The following USH2A variants were observed in gnomAD, a reference collection of about 807,000 sequenced individuals.
The protein encoded by USH2A is usherin, also known as Usher syndrome 2A (autosomal recessive, mild).
Under a neutral mutation model 538.9 loss-of-function variants are expected in USH2A, and 443 were observed. The observed-to-expected ratio is 0.82, with a 90% CI of 0.76 to 0.89. USH2A has a LOEUF of 0.89. USH2A is among the 40% of genes least tolerant of loss of function. The pLI is 0.00. For missense variants in USH2A, 6,633 were observed against 6,324.8 expected, an observed-to-expected ratio of 1.05 and a Z score of -1.65; for synonymous variants, 2,413 against 2,273.5, an observed-to-expected ratio of 1.06 and a Z score of -1.75.
intron 55 of USH2A, among the ~76,000 whole-genome samples, chr1:215,778,277 C>G (rs1357700486): frequency 2.6e-5 from 4 of 152,140 alleles, no homozygotes; most frequent in African/African-American, 9.7e-5. Flanking sequence ...GTCTCGAACT[C>G]CTGACCTCAG....
intron 61 of USH2A, among the ~76,000 whole-genome samples, chr1:215,694,713 C>G (rs1039326616): frequency 6.6e-6 from 1 of 152,200 alleles, no homozygotes; most frequent in Non-Finnish European, 1.5e-5. Context: ...GTGTATCTGT[C>G]TCTTCACTTG....
At chr1:215,963,168 A>G (rs1033545668) in intron 37 of USH2A, among the ~76,000 whole-genome samples, 1 of 152,186 alleles carries the variant, frequency 6.6e-6, no homozygotes, top group Non-Finnish European at 1.5e-5. Flanking sequence ...TAAGCTTTGT[A>G]TAAATCTAGT....
At chr1:216,141,910 A>T (rs1252235160) in intron 21 of USH2A, among the ~76,000 whole-genome samples, 2 of 151,912 alleles carry the variant, frequency 1.3e-5, no homozygotes, top group Non-Finnish European at 2.9e-5. Flanking sequence ...AAGTGCTTCA[A>T]CAAAGACATT....
At chr1:216,166,864 C>T (rs2034179428) in intron 21 of USH2A, among the ~76,000 whole-genome samples, 1 of 152,062 alleles carries the variant, frequency 6.6e-6, no homozygotes, top group African/African-American at 2.4e-5. Flanking sequence ...TCCCTTAAGT[C>T]CTTATTCTTC....
chr1:216,229,809 G>T (rs2035640259), intron 14 of USH2A, among the ~76,000 whole-genome samples: 1 of 151,962 alleles, frequency 6.6e-6, no homozygotes, highest in Non-Finnish European at 1.5e-5. Context: ...AGCAATTCTT[G>T]TTCCTGGACT....
At position 216,083,710 on chromosome 1, in the gene USH2A, T is replaced by G; in HGVS notation, c.5168-124A>C. On this transcript the variant is annotated intron_variant, in intron 25 of 71. Coordinates refer to ENST00000307340, the MANE Select transcript of USH2A (RefSeq NM_206933.4). ...TAAATCTCACAAAAGAAGATGCAAA[T>G]CAATGTTAAGAAATTCCTTTTGTAA... 2 of 987,668 alleles carry G rather than the reference T, an allele frequency of 2.0e-6. 1 individual carries two copies. Among genetic ancestry groups the G allele is most frequent in the South Asian group, 3.5e-5 (2 of 56,610 alleles). The allele number at this position is 987,668 out of a possible 1,614,324, so 61.2% of individuals were successfully genotyped here.
At chr1:216,161,192 A>G (rs1032925502) in intron 21 of USH2A, among the ~76,000 whole-genome samples, 9 of 152,208 alleles carry the variant, frequency 5.9e-5, no homozygotes, top group African/African-American at 2.2e-4. Flanking sequence ...GCAACTACTG[A>G]TATAGTTGAG....
At chr1:216,023,338 G>A (rs1668882421) in intron 32 of USH2A, among the ~76,000 whole-genome samples, 2 of 151,318 alleles carry the variant, frequency 1.3e-5, no homozygotes, top group African/African-American at 4.9e-5. Context: ...AAAGGAAAGT[G>A]AAAATCAATA....
chr1:216,249,901 G>A (rs1406005241), intron 12 of USH2A, among the ~76,000 whole-genome samples: 1 of 151,992 alleles, frequency 6.6e-6, no homozygotes, highest in Admixed American at 6.6e-5. Context: ...AGAGAGGAGT[G>A]TGTGTAATCA....
At chr1:216,377,146 A>C (rs1336776370) in intron 3 of USH2A, among the ~76,000 whole-genome samples, 1 of 152,204 alleles carries the variant, frequency 6.6e-6, no homozygotes, top group African/African-American at 2.4e-5. Context: ...GAAAAATCTG[A>C]ATCTCTTTAA....
chr1:216,307,135 A>C (rs1049103689), intron 9 of USH2A, among the ~76,000 whole-genome samples: 14 of 151,924 alleles, frequency 9.2e-5, no homozygotes, highest in African/African-American at 3.4e-4. Flanking sequence ...AGCTCTCAAG[A>C]GATTATGTCC....
At chr1:216,196,274 C>A (rs2034840003) in intron 19 of USH2A, among the ~76,000 whole-genome samples, 1 of 151,712 alleles carries the variant, frequency 6.6e-6, no homozygotes, top group Non-Finnish European at 1.5e-5. Context: ...TAATGAAAGT[C>A]AACTTCATGT....
At chr1:216,331,480 A>G (rs1313115166) in intron 4 of USH2A, among the ~76,000 whole-genome samples, 2 of 152,092 alleles carry the variant, frequency 1.3e-5, no homozygotes, top group East Asian at 3.9e-4. Flanking sequence ...TGGGAAAACT[A>G]AGTAATCCAA....
chr1:216,217,062 C>G (rs2035356424), intron 15 of USH2A, among the ~76,000 whole-genome samples: 1 of 151,894 alleles, frequency 6.6e-6, no homozygotes, highest in Non-Finnish European at 1.5e-5. Flanking sequence ...CAATATAGTC[C>G]TGATTTTACC....
At position 215,728,183 on chromosome 1, in the gene USH2A, A is replaced by G. The variant is rs779184532; in HGVS notation, c.11913T>C (p.Pro3971=). 1.7e-5 allele frequency: 28 copies of G among 1,614,054 alleles called. No homozygotes were observed. Among genetic ancestry groups the G allele is most frequent in the South Asian group, 2.2e-5 (2 of 91,088 alleles). Residue 3971 remains proline, a synonymous_variant, in exon 61 of 72, where the codon CCT becomes CCC. Coordinates refer to ENST00000307340, the MANE Select transcript of USH2A (RefSeq NM_206933.4). ...AATGAGCACTCGTGGCTTGAGCCCA[A>G]GGAGCTGGAAAATCTTGAGGTGGAG... ...LEAPPQDFPA[P]WAQATSAHSV...
At chr1:216,174,711 T>C in intron 21 of USH2A, 2 of 988,566 alleles carry the variant, frequency 2.0e-6, no homozygotes, top group Non-Finnish European at 2.4e-6. Context: ...CCCACAATGT[T>C]CTTCATAGAA....
intron 61 of USH2A, among the ~76,000 whole-genome samples, 193 bp downstream of exon 61, chr1:215,727,837 A>T (rs1659872806): frequency 6.6e-6 from 1 of 152,200 alleles, no homozygotes; most frequent in Non-Finnish European, 1.5e-5. Flanking sequence ...CGTGGTCTAC[A>T]AACTGGTCTC....
chr1:216,333,789 C>A (rs1390096479), intron 4 of USH2A, among the ~76,000 whole-genome samples: 2 of 151,828 alleles, frequency 1.3e-5, no homozygotes, highest in Non-Finnish European at 2.9e-5. Context: ...ACCATGGCGT[C>A]CAGAAGGGAG....
chr1:215,670,297 G>A (rs990306433), intron 64 of USH2A, among the ~76,000 whole-genome samples: 2 of 152,194 alleles, frequency 1.3e-5, no homozygotes, highest in East Asian at 1.9e-4. Context: ...CTCCCACCAC[G>A]CCTGAGCAAA....
Sources: gnomAD v4.1 joint callset for allele counts (sites outside exome capture counted in the v4.1 genomes callset) on GRCh38, gnomAD v4.1.1 for gene constraint, MANE v1.5 for transcripts, NCBI Gene and HGNC (gene_info 2026-07-23, HGNC 2026-07-21) for gene names.